The following MYH7B variants were observed in gnomAD, a reference collection of about 807,000 sequenced individuals.
MYH7B encodes the protein myosin heavy chain 7B, also known as myosin-7B.
A neutral mutation model predicts 234.5 loss-of-function variants in MYH7B; 205 were observed. That is an observed-to-expected ratio of 0.87 (90% CI 0.78 to 0.98). MYH7B has a LOEUF of 0.98. Ranked by LOEUF, MYH7B falls within the 50% of genes least tolerant of loss-of-function variation. MYH7B has a pLI of 0.00. For missense variants in MYH7B, 2,652 were observed against 2,633.4 expected (o/e 1.01, Z -0.15); for synonymous variants, 1,193 against 1,105.0 (o/e 1.08, Z -1.58).
At chr20:34,979,915 G>A (rs1481511028) in intron 7 of MYH7B, 111 bp downstream of exon 7, 7 of 1,246,534 alleles carry the variant, frequency 5.6e-6, no homozygotes, top group East Asian at 2.6e-5. Context: ...GTGAGCGGTG[G>A]ATCGGGGCTG....
chr20:34,966,204 A>G (rs2081740152), intron 2 of MYH7B, among the ~76,000 whole-genome samples: 2 of 152,220 alleles, frequency 1.3e-5, no homozygotes, highest in Non-Finnish European at 2.9e-5. Context: ...CCCTGTGATA[A>G]GGTGGCACCA....
At chr20:34,986,808 C>A in intron 14 of MYH7B, 78 bp from the exon 15 acceptor site, 1 of 1,224,324 alleles carries the variant, frequency 8.2e-7, no homozygotes, top group Admixed American at 1.7e-5. Flanking sequence ...CCCGCAGGAC[C>A]CCCTATGCTG....
rs184412079 is a variant in MYH7B at position 34,979,315 on chromosome 20, T to C, written c.92-75T>C. On this transcript the variant is annotated intron_variant, in intron 5 of 44. Transcript: ENST00000262873. ...GAGGGTCACAGCTGTATGGATACCA[T>C]GGCTTGGGAACTCCAGCTAGAACCT... 7.8e-4 allele frequency: 925 copies of C among 1,189,206 alleles called. 14 individuals are homozygous for C. The African/African-American group carries it at 0.012, about 16-fold the overall frequency. The allele number at this position is 1,189,206 out of a possible 1,614,324, so 73.7% of individuals were successfully genotyped here.
chr20:35,000,763 C>T lies in MYH7B; in HGVS notation c.5179-5C>T, dbSNP rs1012894456. On this transcript the variant is annotated splice_region_variant and splice_polypyrimidine_tract_variant and intron_variant, in intron 39 of 44. Coordinates refer to ENST00000262873, the Ensembl canonical transcript of MYH7B. ...GGCTGGCTCTGAGACTCCTCTTCCC[C>T]TCAGAACACAGGCCTCCTAAACCAG... 7 of 1,611,622 alleles carry T rather than the reference C, an allele frequency of 4.3e-6. No homozygotes were observed. In the African/African-American group the frequency reaches 9.3e-5, roughly 22 times the overall value.
At chr20:34,995,940 C>T (rs1600464001) in intron 28 of MYH7B, among the ~76,000 whole-genome samples, 2 of 152,222 alleles carry the variant, frequency 1.3e-5, no homozygotes, top group Non-Finnish European at 1.5e-5. Context: ...CTTGAGCCCT[C>T]GTGATGGCCC....
intron 1 of MYH7B, among the ~76,000 whole-genome samples, chr20:34,956,419 G>A (rs1436883113): frequency 6.6e-6 from 1 of 152,072 alleles, no homozygotes; most frequent in African/African-American, 2.4e-5. Flanking sequence ...AAAAATATGC[G>A]GATTCATGAT....
At chr20:34,993,524 C>G (rs1191448586) in intron 26 of MYH7B, 54 bp downstream of exon 26, 43 of 1,479,976 alleles carry the variant, frequency 2.9e-5, no homozygotes, top group Non-Finnish European at 3.7e-5. Flanking sequence ...TCTCAGCTCC[C>G]AGACCCACTG....
chr20:34,997,738 T>C, intron 32 of MYH7B, 98 bp downstream of exon 32: 2 of 1,438,980 alleles, frequency 1.4e-6, no homozygotes, highest in Non-Finnish European at 1.9e-6. Context: ...ACCCAGTACC[T>C]TATCCTGAGC....
intron 2 of MYH7B, among the ~76,000 whole-genome samples, chr20:34,974,442 G>A (rs543265731): frequency 5.9e-5 from 9 of 152,186 alleles, no homozygotes; most frequent in East Asian, 1.9e-4. Flanking sequence ...TCCTCTTTGC[G>A]TTGTCATGTT....
rs750078232 is a variant in MYH7B at position 34,997,430 on chromosome 20, G to A, written c.3537G>A (p.Gly1179=). ...GCCGCAAGCGGGAGGCGGAGCTGGG[G>A]AGGCTGCGGCGGGAGCTGGAGGAGG... Residue 1179 remains glycine, a synonymous_variant, in exon 32 of 45, where the codon GGG becomes GGA. Coordinates refer to ENST00000262873, the Ensembl canonical transcript of MYH7B. 1.4e-5 allele frequency: 21 copies of A among 1,475,036 alleles called. No individual in the cohort carries two copies. In the South Asian group the frequency reaches 2.7e-4, roughly 19 times the overall value. The allele number at this position is 1,475,036 out of a possible 1,614,324, so 91.4% of individuals were successfully genotyped here.
At chr20:34,988,381 C>A in intron 19 of MYH7B, 119 bp downstream of exon 19, 5 of 1,152,806 alleles carry the variant, frequency 4.3e-6, no homozygotes, top group Non-Finnish European at 6.1e-6. Flanking sequence ...TGTGACTGTG[C>A]GTTGCAGTAA....
At chr20:35,001,548 C>A (rs1251397149) in intron 43 of MYH7B, 22 bp downstream of exon 43, 2 of 1,580,022 alleles carry the variant, frequency 1.3e-6, no homozygotes, top group Non-Finnish European at 1.7e-6. Flanking sequence ...GGGGCCTGGA[C>A]ACCTGGACCG....
chr20:34,991,134 T>C lies in MYH7B; in HGVS notation c.2183+13T>C, dbSNP rs2082140119. ...ACTTCCGGCAGCGGTGGGTGACCCC[T>C]TCCCCCTGCCTGCTGCTCCAGGTGG... On this transcript the variant is annotated intron_variant, in intron 24 of 44. Transcript: ENST00000262873. The C allele has an allele frequency of 5.7e-6, 9 of 1,574,912 alleles. No homozygotes were observed. The highest frequency in any genetic ancestry group is 2.2e-5 in the East Asian group (1 of 44,662).
At chr20:34,964,432 C>T (rs891414968) in intron 2 of MYH7B, among the ~76,000 whole-genome samples, 3 of 152,186 alleles carry the variant, frequency 2.0e-5, no homozygotes, top group African/African-American at 4.8e-5. Flanking sequence ...GACTATGTGG[C>T]TCTCTGTAGG....
At chr20:34,994,324 G>C in exon 27 of MYH7B, 1 of 1,609,572 alleles carries the variant, frequency 6.2e-7, no homozygotes. Context: ...TGCGGCCGAG[G>C]CCAAGCGCCA....
rs747064203 is a variant in MYH7B at position 34,996,540 on chromosome 20, C to T, written c.3120+18C>T. The T allele has an allele frequency of 1.2e-5, 19 of 1,605,228 alleles. No individual in the cohort carries two copies. The highest frequency in any genetic ancestry group is 2.2e-5 in the East Asian group (1 of 44,732). ...TGGAGGACGTGAGTCAGGGCCACCC[C>T]GAGACTGGGTGGCGGGGCCGGGGTG... On this transcript the variant is annotated intron_variant, in intron 29 of 44. Transcript: ENST00000262873.
At chr20:34,998,835 G>C (rs780042362) in exon 35 of MYH7B, 1 of 1,613,244 alleles carries the variant, frequency 6.2e-7, no homozygotes, top group Non-Finnish European at 8.5e-7. Context: ...TGCTGTCCAA[G>C]GCCAATGCCG....
chr20:34,998,075 C>T (rs1011619848), intron 32 of MYH7B, among the ~76,000 whole-genome samples: 23 of 152,220 alleles, frequency 1.5e-4, no homozygotes, highest in African/African-American at 5.5e-4. Flanking sequence ...CTCACCCTGA[C>T]CCACTGCCCT....
At position 34,997,377 on chromosome 20, in the gene MYH7B, G is replaced by GGCGCATCCGCGGGGCA; in HGVS notation, c.3489_3504dup (p.Glu1169IlefsTer67). ...GAGCGAGCGGCTGGAGGAGGCAGGC[G>GGCGCATCCGCGGGGCA]GCGCATCCGCGGGGCAGCGCGAGGG... is the stretch of plus-strand genomic sequence containing the variant. On this transcript the variant is annotated frameshift_variant, in exon 32 of 45. Transcript: ENST00000262873. LOFTEE classifies it high-confidence loss of function. The GGCGCATCCGCGGGGCA allele has an allele frequency of 6.6e-7, 1 of 1,522,852 alleles. No homozygotes were observed. Among genetic ancestry groups the GGCGCATCCGCGGGGCA allele is most frequent in the Non-Finnish European group, 8.8e-7 (1 of 1,140,426 alleles). The allele number at this position is 1,522,852 out of a possible 1,614,324, so 94.3% of individuals were successfully genotyped here.
Sources: gnomAD v4.1 joint callset for allele counts (sites outside exome capture counted in the v4.1 genomes callset) on GRCh38, gnomAD v4.1.1 for gene constraint, MANE v1.5 for transcripts, NCBI Gene and HGNC (gene_info 2026-07-23, HGNC 2026-07-21) for gene names.